The following CMSS1 variants were observed in gnomAD, a reference collection of about 807,000 sequenced individuals.
CMSS1 encodes protein CMSS1.
Under a neutral mutation model 43.5 loss-of-function variants are expected in CMSS1, and 33 were observed. That is an observed-to-expected ratio of 0.76 (90% CI 0.57 to 1.01). CMSS1 has a LOEUF of 1.01. Ranked by LOEUF, CMSS1 falls within the 50% of genes least tolerant of loss-of-function variation. CMSS1 has a pLI of 0.00. For missense variants in CMSS1, 313 were observed against 326.4 expected (o/e 0.96, Z 0.32); for synonymous variants, 115 against 117.2 (o/e 0.98, Z 0.12).
chr3:100,122,044 A>T (rs2066625551), intron 1 of CMSS1, among the ~76,000 whole-genome samples: 1 of 152,220 alleles, frequency 6.6e-6, no homozygotes, highest in Non-Finnish European at 1.5e-5. Context: ...GATAAGAATT[A>T]TGCAAGGAAG....
At chr3:100,134,693 A>C (rs145576758) in intron 1 of CMSS1, among the ~76,000 whole-genome samples, 24 of 152,338 alleles carry the variant, frequency 1.6e-4, no homozygotes, top group Non-Finnish European at 2.9e-4. Flanking sequence ...AGTTACTGAC[A>C]GATATTTGAA....
intron 1 of CMSS1, among the ~76,000 whole-genome samples, chr3:100,044,129 C>T (rs2065245100): frequency 6.6e-6 from 1 of 152,166 alleles, no homozygotes; most frequent in Non-Finnish European, 1.5e-5. Context: ...TAGAACAAGA[C>T]ACATTGAGAT....
chr3:99,923,816 C>T (rs982696614), intron 1 of CMSS1, among the ~76,000 whole-genome samples: 23 of 152,234 alleles, frequency 1.5e-4, no homozygotes, highest in African/African-American at 4.8e-4. Flanking sequence ...CTTTTCTCAT[C>T]CTACAATCAT....
At chr3:100,026,360 A>G (rs1352385052) in intron 1 of CMSS1, among the ~76,000 whole-genome samples, 2 of 152,052 alleles carry the variant, frequency 1.3e-5, no homozygotes, top group Non-Finnish European at 2.9e-5. Context: ...ACGGACAGCT[A>G]TTTATTATTC....
intron 1 of CMSS1, among the ~76,000 whole-genome samples, chr3:100,070,227 A>G (rs2065738148): frequency 6.6e-6 from 1 of 152,196 alleles, no homozygotes; most frequent in Non-Finnish European, 1.5e-5. Flanking sequence ...TTAGATAGTT[A>G]ATTGAAGTTA....
At chr3:100,075,911 AGCTG>A (rs2065843045) in intron 1 of CMSS1, among the ~76,000 whole-genome samples, 1 of 152,158 alleles carries the variant, frequency 6.6e-6, no homozygotes, top group Non-Finnish European at 1.5e-5. Flanking sequence ...GATTCAGGAG[AGCTG>A]AGTTGGAGCC....
chr3:100,141,794 G>T (rs2066807765), intron 1 of CMSS1: 1 of 339,368 alleles, frequency 2.9e-6, no homozygotes, highest in Non-Finnish European at 5.7e-6. Context: ...TCTTCAAGGA[G>T]TTGGGGAAGA....
chr3:99,916,482 A>G lies in CMSS1; in HGVS notation c.64+98439A>G, dbSNP rs1418638784. Among the ~76,000 whole-genome samples the G allele has an allele frequency of 3.8e-5, 5 of 131,916 alleles. No individual in the cohort carries two copies. The Admixed American group carries it at 3.9e-4, about 10-fold the overall frequency. The allele number at this position is 131,916 out of a possible 152,430, so 86.5% of individuals were successfully genotyped here. On this transcript the variant is annotated intron_variant, in intron 1 of 9. Transcript: ENST00000421999. Reference sequence around the variant, plus strand: ...CACACACACACACACACACACACACACACGTTCTGTTTCTCTGGAGGACCC... The same window carrying G: ...CACACACACACACACACACACACACGCACGTTCTGTTTCTCTGGAGGACCC...
chr3:100,119,090 G>A, intron 1 of CMSS1, among the ~76,000 whole-genome samples: 1 of 152,074 alleles, frequency 6.6e-6, no homozygotes, highest in Non-Finnish European at 1.5e-5. Flanking sequence ...CATTATGTGA[G>A]TCTGTGAATT....
chr3:100,037,910 C>T (rs1214670722), intron 1 of CMSS1, among the ~76,000 whole-genome samples: 1 of 150,782 alleles, frequency 6.6e-6, no homozygotes, highest in South Asian at 2.1e-4. Flanking sequence ...GGCTCTGAAT[C>T]GCTTAGGTTT....
At chr3:100,139,359 C>A in intron 1 of CMSS1, among the ~76,000 whole-genome samples, 1 of 151,620 alleles carries the variant, frequency 6.6e-6, no homozygotes, top group South Asian at 2.1e-4. Context: ...AAAAAAAAAC[C>A]CTTGAAACAT....
At chr3:100,167,670 T>C in intron 5 of CMSS1, 68 bp from the exon 6 acceptor site, 1 of 899,090 alleles carries the variant, frequency 1.1e-6, no homozygotes, top group Non-Finnish European at 1.8e-6. Flanking sequence ...AAAGAAGAAA[T>C]GCTCAACTTG....
chr3:99,876,086 C>G (rs982639575), intron 1 of CMSS1: 59 of 986,350 alleles, frequency 6.0e-5, no homozygotes, highest in Non-Finnish European at 1.4e-5. Flanking sequence ...ACTGCCTGCG[C>G]CGGGGCCGGG....
intron 1 of CMSS1, chr3:100,040,234 CAA>C (rs1418476922): frequency 1.3e-5 from 2 of 152,056 alleles, no homozygotes; most frequent in African/African-American, 2.4e-5. Context: ...TAAGATTAAA[CAA>C]AGAGTTCTCT....
chr3:100,067,782 C>G (rs1490114809), intron 1 of CMSS1, among the ~76,000 whole-genome samples: 2 of 152,126 alleles, frequency 1.3e-5, no homozygotes, highest in East Asian at 3.9e-4. Context: ...TGGTCTCTAT[C>G]CAAGCCTTGA....
intron 1 of CMSS1, among the ~76,000 whole-genome samples, chr3:100,026,026 C>A (rs2064914100): frequency 6.6e-6 from 1 of 152,056 alleles, no homozygotes; most frequent in African/African-American, 2.4e-5. Flanking sequence ...CAGACTATGA[C>A]CTGAGTCTTG....
Position 99,844,417 on chromosome 3 carries a change from A to G in CMSS1, c.64+26374A>G, listed in dbSNP as rs115591842. Among the ~76,000 whole-genome samples, 570 of 152,244 alleles carry G rather than the reference A, an allele frequency of 3.7e-3. 7 individuals carry two copies. Among genetic ancestry groups the G allele is most frequent in the African/African-American group, 0.013 (549 of 41,530 alleles). On this transcript the variant is annotated intron_variant, in intron 1 of 9. Transcript: ENST00000421999. The stretch of plus-strand genomic sequence containing the variant: ...CTTGGGATTACAAAGCAAAATGATT[A>G]TTTGGAGGAAAAAAATCTTAATAAC...
intron 1 of CMSS1, among the ~76,000 whole-genome samples, chr3:100,111,838 G>A (rs79525477): frequency 0.022 from 3,360 of 152,292 alleles, 113 homozygotes; most frequent in East Asian, 0.17. Flanking sequence ...GCACTAAAAT[G>A]TGTTTTCTAA....
chr3:99,821,620 T>C (rs574751807), intron 1 of CMSS1, among the ~76,000 whole-genome samples: 2 of 152,374 alleles, frequency 1.3e-5, no homozygotes, highest in South Asian at 4.1e-4. Context: ...AAAATATTAA[T>C]GCTGAAATGA....
Sources: allele counts gnomAD v4.1 joint callset (sites outside exome capture counted in the v4.1 genomes callset), GRCh38; gene constraint gnomAD v4.1.1; transcripts MANE v1.5; gene names NCBI Gene and HGNC (gene_info 2026-07-23, HGNC 2026-07-21).